Variants in ZNF804B observed in about 807,000 individuals in gnomAD.
ZNF804B encodes zinc finger protein 804B.
In ZNF804B, 80 loss-of-function variants were observed where a neutral mutation model predicts 101.4. The observed-to-expected ratio is 0.79, with a 90% CI of 0.66 to 0.95. The LOEUF (loss-of-function observed/expected upper bound fraction) is 0.95, where lower values mean the gene tolerates loss of function less well. Among genes scored for constraint, ZNF804B ranks in the 40% least tolerant of loss-of-function variants. The pLI is 0.00. For synonymous variants in ZNF804B, 622 were observed against 558.8 expected, an observed-to-expected ratio of 1.11 and a Z score of -1.59; for missense variants, 1,673 against 1,561.9, an observed-to-expected ratio of 1.07 and a Z score of -1.20.
chr7:88,977,169 A>G (rs949471391), intron 1 of ZNF804B, among the ~76,000 whole-genome samples: 1 of 149,826 alleles, frequency 6.7e-6, no homozygotes, highest in Non-Finnish European at 1.5e-5. Context: ...ATCACTGTTG[A>G]TCAGGGATAT....
At chr7:89,143,690 T>A (rs1790748735) in intron 1 of ZNF804B, among the ~76,000 whole-genome samples, 1 of 152,078 alleles carries the variant, frequency 6.6e-6, no homozygotes, top group South Asian at 2.1e-4. Context: ...TTTAGCAGAA[T>A]TCAATTTGTT....
At chr7:89,054,571 G>A (rs1284593653) in intron 1 of ZNF804B, among the ~76,000 whole-genome samples, 1 of 151,948 alleles carries the variant, frequency 6.6e-6, no homozygotes, top group Non-Finnish European at 1.5e-5. Flanking sequence ...GGAACAAGAA[G>A]TAGTAAAGGA....
chr7:89,026,764 G>T (rs566028735), intron 1 of ZNF804B, among the ~76,000 whole-genome samples: 3 of 152,144 alleles, frequency 2.0e-5, no homozygotes, highest in East Asian at 1.9e-4. Flanking sequence ...CCCAGGAGAA[G>T]TGAGAAGCCT....
chr7:88,760,430 TTGAG>T (rs1222854974), intron 1 of ZNF804B, among the ~76,000 whole-genome samples: 8 of 152,188 alleles, frequency 5.3e-5, no homozygotes, highest in Non-Finnish European at 1.0e-4. Flanking sequence ...TGTAGAAAGT[TTGAG>T]TGGCACGTTA....
chr7:88,774,685 C>G (rs1020588116), intron 1 of ZNF804B, among the ~76,000 whole-genome samples: 1 of 152,102 alleles, frequency 6.6e-6, no homozygotes, highest in East Asian at 1.9e-4. Context: ...GGTGTTGGAT[C>G]TCTGAAAGAA....
At chr7:88,781,276 T>C (rs1352961062) in intron 1 of ZNF804B, among the ~76,000 whole-genome samples, 1 of 152,166 alleles carries the variant, frequency 6.6e-6, no homozygotes, top group Non-Finnish European at 1.5e-5. Context: ...TTATCTGAAT[T>C]GGCATTCAAG....
intron 1 of ZNF804B, among the ~76,000 whole-genome samples, chr7:88,959,635 G>A (rs1793361904): frequency 6.6e-6 from 1 of 151,288 alleles, no homozygotes; most frequent in Admixed American, 6.6e-5. Flanking sequence ...AATCTCATCT[G>A]CAAGTACTTC....
chr7:88,902,847 G>C (rs1315717707), intron 1 of ZNF804B, among the ~76,000 whole-genome samples: 1 of 152,008 alleles, frequency 6.6e-6, no homozygotes, highest in African/African-American at 2.4e-5. Context: ...TAAATTCCAA[G>C]ATGGCATTTG....
At chr7:89,013,491 A>G (rs1024900183) in intron 1 of ZNF804B, among the ~76,000 whole-genome samples, 1 of 152,144 alleles carries the variant, frequency 6.6e-6, no homozygotes, top group South Asian at 2.1e-4. Context: ...GATATCTGAG[A>G]TTCTTTATTT....
At chr7:89,133,173 T>C (rs1171060307) in intron 1 of ZNF804B, among the ~76,000 whole-genome samples, 1 of 151,996 alleles carries the variant, frequency 6.6e-6, no homozygotes, top group East Asian at 1.9e-4. Context: ...GTTGGAATAC[T>C]CTAGGAAGGG....
At chr7:89,106,785 CA>C (rs777416148) in intron 1 of ZNF804B, among the ~76,000 whole-genome samples, 18 of 152,046 alleles carry the variant, frequency 1.2e-4, no homozygotes, top group Non-Finnish European at 2.2e-4. Context: ...AATACAAAAA[CA>C]AGACCAAGCT....
At chr7:89,292,474 C>T (rs1053802737) in intron 2 of ZNF804B, among the ~76,000 whole-genome samples, 1 of 152,002 alleles carries the variant, frequency 6.6e-6, no homozygotes, top group African/African-American at 2.4e-5. Context: ...TGCAGTGTTA[C>T]ATTTTTATCA....
chr7:89,277,251 A>G (rs1224196716), intron 2 of ZNF804B, among the ~76,000 whole-genome samples: 1 of 150,320 alleles, frequency 6.7e-6, no homozygotes, highest in Non-Finnish European at 1.5e-5. Context: ...ATTTGTGAGT[A>G]TATTTAGCTT....
intron 1 of ZNF804B, among the ~76,000 whole-genome samples, chr7:89,203,308 G>T (rs1214090849): frequency 6.6e-6 from 1 of 152,112 alleles, no homozygotes; most frequent in East Asian, 1.9e-4. Flanking sequence ...CATAAATGCA[G>T]GTATATGTGC....
At chr7:88,878,150 C>T (rs1407686771) in intron 1 of ZNF804B, among the ~76,000 whole-genome samples, 1 of 152,062 alleles carries the variant, frequency 6.6e-6, no homozygotes, top group Non-Finnish European at 1.5e-5. Context: ...TCATTATTCT[C>T]ATTTGAACTT....
At chr7:88,852,925 T>C (rs979665319) in intron 1 of ZNF804B, among the ~76,000 whole-genome samples, 2 of 152,082 alleles carry the variant, frequency 1.3e-5, no homozygotes, top group Admixed American at 6.6e-5. Flanking sequence ...AGAAAAGATA[T>C]AGCTTTTTGA....
intron 1 of ZNF804B, among the ~76,000 whole-genome samples, chr7:89,115,405 G>T (rs1276834947): frequency 1.3e-5 from 2 of 152,168 alleles, no homozygotes; most frequent in Non-Finnish European, 2.9e-5. Flanking sequence ...TCATTGTTTG[G>T]TGTCCTGAAG....
chr7:89,169,440 T>G (rs62461943), intron 1 of ZNF804B, among the ~76,000 whole-genome samples: 30,651 of 152,130 alleles, frequency 0.2, 3,316 homozygotes, highest in Non-Finnish European at 0.22. Flanking sequence ...TAGTGAGCCC[T>G]CTTTACTACC....
In ZNF804B at chr7:89,336,901, A is replaced by G. The variant is rs1166342690; in HGVS notation, c.3919A>G (p.Ile1307Val). ...TCACTTAAATCCAGCCACAACTTCT[A>G]TCATCCACTTGAATCCTTTAATCCA... The part of the protein sequence containing the change: ...GPHLNPATTS[I>V]IHLNPLIQPV... The change falls in exon 4 of 4, where the codon ATC becomes GTC. Residue 1307 changes from isoleucine (I) to valine (V), a missense_variant. Physicochemically the swap from Ile to Val is conservative, Grantham distance 29 (BLOSUM62 3). Transcript: ENST00000333190. The G allele has an allele frequency of 5.6e-6, 9 of 1,614,062 alleles. No homozygotes were observed. In the East Asian group the frequency reaches 8.9e-5, roughly 16 times the overall value.
Sources: allele counts gnomAD v4.1 joint callset (sites outside exome capture counted in the v4.1 genomes callset), GRCh38; gene constraint gnomAD v4.1.1; transcripts MANE v1.5; gene names NCBI Gene and HGNC (gene_info 2026-07-23, HGNC 2026-07-21).